Variants in SLC10A7 observed in about 807,000 individuals in gnomAD.
SLC10A7 encodes solute carrier family 10 member 7, also known as sodium/bile acid cotransporter 7.
SLC10A7 carries 29 observed loss-of-function variants against 43.2 expected under a neutral mutation model. The observed-to-expected ratio is 0.67, with a 90% CI of 0.50 to 0.92. SLC10A7 has a LOEUF of 0.92. Among genes scored for constraint, SLC10A7 ranks in the 40% least tolerant of loss-of-function variants. The pLI, the probability that SLC10A7 is intolerant of heterozygous loss-of-function variation, is 0.00. For synonymous variants in SLC10A7, 152 were observed against 144.8 expected, an observed-to-expected ratio of 1.05 and a Z score of -0.35; for missense variants, 295 against 403.2, an observed-to-expected ratio of 0.73 and a Z score of 2.30.
At chr4:146,341,928 T>C (rs1001694095) in intron 5 of SLC10A7, among the ~76,000 whole-genome samples, 15 of 151,764 alleles carry the variant, frequency 9.9e-5, no homozygotes, top group African/African-American at 3.6e-4. Context: ...ATTAGAAAAT[T>C]TTTAGTTGTA....
intron 5 of SLC10A7, among the ~76,000 whole-genome samples, chr4:146,367,017 G>A (rs1356287439): frequency 6.9e-6 from 1 of 144,366 alleles, no homozygotes; most frequent in Admixed American, 6.9e-5. Flanking sequence ...GTTTTTTTTT[G>A]TTTTTGTTTT....
At chr4:146,435,953 C>T (rs111394957) in intron 5 of SLC10A7, among the ~76,000 whole-genome samples, 9 of 151,890 alleles carry the variant, frequency 5.9e-5, no homozygotes, top group African/African-American at 2.2e-4. Context: ...AATGAAAGTA[C>T]ATGGCATTTG....
chr4:146,488,447 CAT>C (rs1254135512), intron 4 of SLC10A7, among the ~76,000 whole-genome samples: 1 of 152,126 alleles, frequency 6.6e-6, no homozygotes, highest in East Asian at 1.9e-4. Context: ...ATTTTTCCCA[CAT>C]GAGATATTTA....
intron 4 of SLC10A7, among the ~76,000 whole-genome samples, chr4:146,482,122 C>G (rs560143169): frequency 6.6e-6 from 1 of 152,236 alleles, no homozygotes; most frequent in East Asian, 1.9e-4. Context: ...AAGTCTTCCC[C>G]CAATGAAAGC....
chr4:146,331,635 A>C (rs1029204964), intron 5 of SLC10A7, among the ~76,000 whole-genome samples: 2 of 152,198 alleles, frequency 1.3e-5, no homozygotes, highest in Non-Finnish European at 2.9e-5. Context: ...TGTATGTATA[A>C]GAAAATCATG....
intron 4 of SLC10A7, among the ~76,000 whole-genome samples, chr4:146,445,597 G>A (rs1730982440): frequency 6.6e-6 from 1 of 152,098 alleles, no homozygotes; most frequent in African/African-American, 2.4e-5. Context: ...CTCAGCGGAG[G>A]GTCAGGGTGA....
At chr4:146,491,996 T>TC (rs1010584704) in intron 4 of SLC10A7, among the ~76,000 whole-genome samples, 2 of 152,048 alleles carry the variant, frequency 1.3e-5, no homozygotes, top group African/African-American at 4.8e-5. Context: ...GGCGGGCGGA[T>TC]CACGAGGTTA....
intron 5 of SLC10A7, among the ~76,000 whole-genome samples, chr4:146,374,829 T>C (rs908400616): frequency 1.3e-5 from 2 of 152,048 alleles, no homozygotes; most frequent in Non-Finnish European, 2.9e-5. Context: ...AAAAGATACA[T>C]TGGATGTAAA....
intron 3 of SLC10A7, among the ~76,000 whole-genome samples, chr4:146,507,704 T>C (rs1432207116): frequency 6.6e-6 from 1 of 152,240 alleles, no homozygotes; most frequent in East Asian, 1.9e-4. Flanking sequence ...CAATGTTCCC[T>C]CTACCTCACT....
At chr4:146,440,292 T>TTTC (rs796950599) in intron 5 of SLC10A7, among the ~76,000 whole-genome samples, 3 of 146,190 alleles carry the variant, frequency 2.1e-5, no homozygotes, top group Admixed American at 1.4e-4. Context: ...TTTCTTTTCT[T>TTTC]TTTTTTTTTG....
intron 2 of SLC10A7, chr4:146,514,492 T>C (rs766173276): frequency 1.3e-5 from 2 of 152,220 alleles, no homozygotes; most frequent in Non-Finnish European, 2.9e-5. Flanking sequence ...GAAGTTGTCA[T>C]AAAACTGAAG....
At chr4:146,404,386 T>C (rs1739429352) in intron 5 of SLC10A7, among the ~76,000 whole-genome samples, 1 of 152,090 alleles carries the variant, frequency 6.6e-6, no homozygotes. Flanking sequence ...TGTTGAACTT[T>C]GCTAATTTTA....
chr4:146,429,900 G>A (rs1258875434), intron 5 of SLC10A7, among the ~76,000 whole-genome samples: 4 of 151,894 alleles, frequency 2.6e-5, no homozygotes, highest in African/African-American at 9.7e-5. Flanking sequence ...AGGAAAAAAT[G>A]GACAAACGTG....
chr4:146,486,024 G>A (rs907246369), intron 4 of SLC10A7, among the ~76,000 whole-genome samples: 1 of 152,152 alleles, frequency 6.6e-6, no homozygotes, highest in Non-Finnish European at 1.5e-5. Flanking sequence ...GCCTTATGAA[G>A]TAAAAAGAAA....
chr4:146,438,010 T>C (rs746524170), intron 5 of SLC10A7, among the ~76,000 whole-genome samples: 1 of 151,824 alleles, frequency 6.6e-6, no homozygotes, highest in Non-Finnish European at 1.5e-5. Context: ...CGTATCATTG[T>C]ACAGGAAAGG....
chr4:146,497,674 G>T (rs1299742560), intron 4 of SLC10A7, among the ~76,000 whole-genome samples: 1 of 152,032 alleles, frequency 6.6e-6, no homozygotes, highest in Non-Finnish European at 1.5e-5. Flanking sequence ...TACCTTTCTT[G>T]CTTTTTCACT....
chr4:146,335,204 T>C (rs896047384), intron 5 of SLC10A7, among the ~76,000 whole-genome samples: 2 of 145,904 alleles, frequency 1.4e-5, no homozygotes, highest in Non-Finnish European at 3.0e-5. Context: ...AATAGAATGT[T>C]ATTGTCTCTT....
At chr4:146,469,437 G>A (rs770781090) in intron 4 of SLC10A7, among the ~76,000 whole-genome samples, 9 of 152,300 alleles carry the variant, frequency 5.9e-5, no homozygotes, top group African/African-American at 9.6e-5. Context: ...ACTAGGATCC[G>A]TGGAGTTAGA....
intron 5 of SLC10A7, among the ~76,000 whole-genome samples, chr4:146,372,612 T>C (rs1052354145): frequency 6.6e-6 from 1 of 152,176 alleles, no homozygotes; most frequent in African/African-American, 2.4e-5. Flanking sequence ...AACAGATTCA[T>C]AAAATCACTA....
Sources: gnomAD v4.1 joint callset for allele counts (sites outside exome capture counted in the v4.1 genomes callset) on GRCh38, gnomAD v4.1.1 for gene constraint, MANE v1.5 for transcripts, NCBI Gene and HGNC (gene_info 2026-07-23, HGNC 2026-07-21) for gene names.